The following CLDN2 variants were observed in gnomAD, a reference collection of about 807,000 sequenced individuals.
The protein encoded by CLDN2 is claudin-2.
In CLDN2, 1 loss-of-function variant was observed where a neutral mutation model predicts 8.2. The observed-to-expected ratio is 0.12, with a 90% confidence interval of 0.04 to 0.58. The LOEUF is 0.58. Among genes scored for constraint, CLDN2 ranks in the 20% least tolerant of loss-of-function variants. CLDN2 has a pLI of 0.90. For synonymous variants in CLDN2, 70 were observed against 70.2 expected (o/e 1.00, Z 0.01); for missense variants, 108 against 172.9 (o/e 0.62, Z 2.11).
At position 106,928,755 on chromosome X, in the gene CLDN2, T is replaced by C. The variant is rs1337976305; in HGVS notation, c.527T>C (p.Ile176Thr). Reference protein sequence around the residue: ...LGIISSLFSLIAGIILCFSCS... With the variant: ...LGIISSLFSLTAGIILCFSCS... Reference sequence around the variant, plus strand: ...ATTATTTCTTCCCTGTTCTCCCTGATAGCTGGAATCATCCTCTGCTTTTCC... The same window carrying C: ...ATTATTTCTTCCCTGTTCTCCCTGACAGCTGGAATCATCCTCTGCTTTTCC... The change falls in exon 2 of 2, where the codon ATA becomes ACA. Residue 176 changes from isoleucine (I) to threonine (T), a missense_variant. By Grantham distance (89) the Ile-to-Thr change is moderately conservative. Coordinates refer to ENST00000336803, the MANE Select transcript of CLDN2 (RefSeq NM_020384.4). 4.1e-6 allele frequency: 5 copies of C among 1,209,749 alleles called. No individual in the cohort carries two copies. In the African/African-American group the frequency reaches 8.8e-5, roughly 21 times the overall value.
chrX:106,906,044 C>T (rs1292885871), intron 1 of CLDN2, among the ~76,000 whole-genome samples: 3 of 112,123 alleles, frequency 2.7e-5, no homozygotes, highest in Admixed American at 1.9e-4. Context: ...GTTGGCTTTT[C>T]CCCGGCCTGT....
chrX:106,905,003 C>G (rs761537781), intron 1 of CLDN2, among the ~76,000 whole-genome samples: 1 of 111,503 alleles, frequency 9.0e-6, no homozygotes, highest in South Asian at 3.8e-4. Flanking sequence ...TAAAAAGTTC[C>G]ACAATGAACT....
intron 1 of CLDN2, among the ~76,000 whole-genome samples, chrX:106,923,369 C>G (rs1396543497): frequency 8.9e-6 from 1 of 112,057 alleles, no homozygotes; most frequent in Non-Finnish European, 1.9e-5. Context: ...GTAGGTAATT[C>G]ATTATTGCAG....
At chrX:106,904,919 GAA>G (rs1482860540) in intron 1 of CLDN2, among the ~76,000 whole-genome samples, 6 of 112,053 alleles carry the variant, frequency 5.4e-5, no homozygotes, top group Non-Finnish European at 9.4e-5. Flanking sequence ...CTGGTGAGAA[GAA>G]AGAGTGTTAG....
At chrX:106,911,401 G>A (rs1212404610) in intron 1 of CLDN2, among the ~76,000 whole-genome samples, 3 of 111,326 alleles carry the variant, frequency 2.7e-5, no homozygotes, top group Non-Finnish European at 5.7e-5. Context: ...GTTCCTTCAA[G>A]CCTCACCTCT....
upstream of CLDN2, among the ~76,000 whole-genome samples, chrX:106,913,406 T>G (rs752485832): frequency 8.9e-6 from 1 of 112,424 alleles, no homozygotes; most frequent in Admixed American, 9.4e-5. Context: ...ACCAGTAGAT[T>G]TTAATGTAAC....
upstream of CLDN2, among the ~76,000 whole-genome samples, chrX:106,918,871 C>T (rs893422571): frequency 2.1e-4 from 23 of 111,795 alleles, no homozygotes; most frequent in Admixed American, 4.7e-4. Flanking sequence ...CTCATTGGGC[C>T]GAGGTTTCCT....
chrX:106,900,985 G>A (rs1933084043), intron 1 of CLDN2: 2 of 1,132,086 alleles, frequency 1.8e-6, no homozygotes, highest in South Asian at 4.5e-5. Context: ...GAAAGAAGCT[G>A]GCCCCTAAAC....
chrX:106,928,987 C>A lies in CLDN2; in HGVS notation c.*66C>A. On this transcript the variant is annotated 3_prime_UTR_variant, in exon 2 of 2. Transcript: ENST00000336803. ...AAAACAGTGGACAGCACCCCGAGGG[C>A]CACAGGTGAGGGACACTACCACTGG... The A allele has an allele frequency of 1.1e-6, 1 of 948,520 alleles. No homozygotes were observed. The allele number at this position is 948,520 out of a possible 1,213,427, so 78.2% of individuals were successfully genotyped here.
chrX:106,928,156 G>A lies in CLDN2; in HGVS notation c.-73G>A. ...GACTCTGAAATGAGGGATTAGAGGT[G>A]TTCAAGGAGCAAGAGCTTCAGCCTG... On this transcript the variant is annotated 5_prime_UTR_variant, in exon 2 of 2. Coordinates refer to ENST00000336803, the MANE Select transcript of CLDN2 (RefSeq NM_020384.4). The A allele has an allele frequency of 1.2e-6, 1 of 802,319 alleles. No homozygotes were observed. The highest frequency in any genetic ancestry group is 1.8e-6 in the Non-Finnish European group (1 of 547,386). The allele number at this position is 802,319 out of a possible 1,213,427, so 66.1% of individuals were successfully genotyped here.
At chrX:106,912,635 C>G (rs1311354725) in intron 1 of CLDN2, among the ~76,000 whole-genome samples, 1 of 110,049 alleles carries the variant, frequency 9.1e-6, no homozygotes, top group Non-Finnish European at 1.9e-5. Context: ...AGGCTGGTCT[C>G]AAACTCCTGG....
At chrX:106,902,204 A>G in intron 1 of CLDN2, 1 of 1,181,632 alleles carries the variant, frequency 8.5e-7, no homozygotes, top group South Asian at 1.9e-5. Flanking sequence ...GGGCCTCCAG[A>G]GACAAGTTCC....
chrX:106,908,580 TTTG>T (rs1418991370), intron 1 of CLDN2, among the ~76,000 whole-genome samples: 4 of 107,668 alleles, frequency 3.7e-5, no homozygotes, highest in South Asian at 8.1e-4. Context: ...TTTTTTTTTT[TTTG>T]TTGTTGTTTT....
chrX:106,901,408 C>A (rs1602451289), intron 1 of CLDN2: 1 of 1,030,776 alleles, frequency 9.7e-7, no homozygotes, highest in South Asian at 1.9e-5. Context: ...CTTCACAAGA[C>A]CTTTGTGAAG....
At chrX:106,902,801 C>T (rs532687417) in intron 1 of CLDN2, among the ~76,000 whole-genome samples, 1 of 112,197 alleles carries the variant, frequency 8.9e-6, no homozygotes, top group Admixed American at 9.4e-5. Flanking sequence ...CCCCAAACTC[C>T]CCACCCCCAC....
intron 1 of CLDN2, among the ~76,000 whole-genome samples, chrX:106,911,181 A>G (rs1933243637): frequency 9.0e-6 from 1 of 111,455 alleles, no homozygotes; most frequent in Admixed American, 9.5e-5. Flanking sequence ...CTGGGGATGA[A>G]AACAATAGTA....
chrX:106,927,928 G>GTT (rs34087972), intron 1 of CLDN2, 123 bp from the exon 2 acceptor site: 1,241 of 189,739 alleles, frequency 6.5e-3, no homozygotes, highest in East Asian at 0.046. Context: ...GTTCAAAGTT[G>GTT]TTTTTTTTTT....
upstream of CLDN2, among the ~76,000 whole-genome samples, chrX:106,913,722 G>A (rs867178983): frequency 9.1e-6 from 1 of 110,343 alleles, no homozygotes; most frequent in African/African-American, 3.3e-5. Context: ...AGGCTCTGGG[G>A]AAAAGTCCCC....
Position 106,929,166 on chromosome X carries a change from G to T in CLDN2, c.*245G>T. On this transcript the variant is annotated 3_prime_UTR_variant, in exon 2 of 2. Coordinates refer to ENST00000336803, the MANE Select transcript of CLDN2 (RefSeq NM_020384.4). ...GTTTTCCTCACCTTGCTGCTCCCCT[G>T]CCCTAAGTCCCCAACCCTCAACTTG... 2.4e-6 allele frequency: 1 copy of T among 414,530 alleles called. No individual in the cohort carries two copies. Among genetic ancestry groups the T allele is most frequent in the Non-Finnish European group, 4.3e-6 (1 of 233,306 alleles). 34.2% of individuals were successfully genotyped at this position (414,530 alleles called of 1,213,427 possible).
Sources: gnomAD v4.1 joint callset for allele counts (sites outside exome capture counted in the v4.1 genomes callset) on GRCh38, gnomAD v4.1.1 for gene constraint, MANE v1.5 for transcripts, NCBI Gene and HGNC (gene_info 2026-07-23, HGNC 2026-07-21) for gene names.